Variants in IGSF9 observed in about 807,000 individuals in gnomAD.
IGSF9 encodes the protein protein turtle homolog A.
IGSF9 carries 87 observed loss-of-function variants against 121.7 expected under a neutral mutation model. That is an observed-to-expected ratio of 0.71 (90% CI 0.60 to 0.85). The LOEUF (loss-of-function observed/expected upper bound fraction) is 0.85, where lower values mean the gene tolerates loss of function less well. IGSF9 is among the 40% of genes least tolerant of loss of function. The probability of loss-of-function intolerance (pLI) is 0.00; values close to 1 mark genes in which losing one functional copy is unlikely to be tolerated. For missense variants in IGSF9, 1,462 were observed against 1,565.3 expected (o/e 0.93, Z 1.11); for synonymous variants, 640 against 648.4 (o/e 0.99, Z 0.20).
chr1:159,928,123 A>C, intron 19 of IGSF9, 35 bp downstream of exon 19: 2 of 1,592,714 alleles, frequency 1.3e-6, no homozygotes, highest in Middle Eastern at 1.7e-4. Context: ...GGTGGGACTG[A>C]GGCGGAGGCA....
In IGSF9 at chr1:159,928,714, T is replaced by C; in HGVS notation, c.2674A>G (p.Ser892Gly). 2.7e-6 allele frequency: 4 copies of C among 1,476,054 alleles called. No homozygotes were observed. Among genetic ancestry groups the C allele is most frequent in the Non-Finnish European group, 3.6e-6 (4 of 1,111,780 alleles). The allele number at this position is 1,476,054 out of a possible 1,614,324, so 91.4% of individuals were successfully genotyped here. A position where few individuals can be genotyped will look rare whatever the true frequency, so the allele number is the denominator to read the frequency against. Residue 892 changes from serine to glycine, a missense_variant, in exon 19 of 21, where the codon AGT becomes GGT. Coordinates refer to ENST00000368094, the MANE Select transcript of IGSF9 (RefSeq NM_001135050.2). The stretch of plus-strand genomic sequence containing the variant: ...ATGCAGAGGGGCTGGGGTGCCCCAC[T>C]GGGGCTGCTGCTGCTACAGTCAAAG... ...RSFDCSSSSP[S>G]GAPQPLCIED...
rs16842846 is a variant in IGSF9 at position 159,931,545 on chromosome 1, C to T, written c.1421G>A (p.Arg474Gln). 4.3e-6 allele frequency: 7 copies of T among 1,614,112 alleles called. No individual in the cohort carries two copies. Among genetic ancestry groups the T allele is most frequent in the East Asian group, 4.5e-5 (2 of 44,882 alleles). ...QVDSNSSLIL[R>Q]PLTKEAHGHW... ...CCCGTGGGCCTCCTTGGTCAATGGT[C>T]GCAGGATGAGGCTGCTGTTGCTGTC... Residue 474 changes from arginine (R) to glutamine (Q), a missense_variant, in exon 12 of 21, where the codon CGA becomes CAA. Around this residue, in one of 3 missense-constraint regions of IGSF9, gnomAD observed 96 missense variants for 150.7 expected, o/e 0.64. Coordinates refer to ENST00000368094, the MANE Select transcript of IGSF9 (RefSeq NM_001135050.2). The surrounding 1 kb of genome is among the most constrained non-coding windows in gnomAD (Gnocchi z 4.8).
At chr1:159,933,817 C>T in intron 9 of IGSF9, 1 of 294,528 alleles carries the variant, frequency 3.4e-6, no homozygotes, top group Non-Finnish European at 6.5e-6. Context: ...TGCCTCCTTG[C>T]CCCTGCCCTC....
At chr1:159,929,470 C>G (rs1650891525) in intron 17 of IGSF9, 77 bp from the exon 18 acceptor site, 3 of 1,563,204 alleles carry the variant, frequency 1.9e-6, no homozygotes, top group Admixed American at 1.7e-5. Flanking sequence ...CACCCAACAC[C>G]AGGCGCCCAA....
chr1:159,932,702 A>T lies in IGSF9; in HGVS notation c.1105-50T>A. ...TAGAGAGAGGAGCTCAGCAGAGACAAGCCCGGGATGGCAGTACAAGAGAGG... is the reference window on the plus strand; with the variant it reads ...TAGAGAGAGGAGCTCAGCAGAGACATGCCCGGGATGGCAGTACAAGAGAGG... On this transcript the variant is annotated intron_variant, in intron 9 of 20. Coordinates refer to ENST00000368094, the MANE Select transcript of IGSF9 (RefSeq NM_001135050.2). This position sits in a 1 kb window ranked among gnomAD's most constrained non-coding sequence, Gnocchi z 4.1. 1 of 1,560,736 alleles carries T rather than the reference A, an allele frequency of 6.4e-7. No individual in the cohort carries two copies. Among genetic ancestry groups the T allele is most frequent in the South Asian group, 1.2e-5 (1 of 84,086 alleles).
rs1366090302 is a variant in IGSF9 at position 159,943,554 on chromosome 1, C to T, written c.-100G>A. On this transcript the variant is annotated 5_prime_UTR_variant, in exon 2 of 21. Coordinates refer to ENST00000368094, the MANE Select transcript of IGSF9 (RefSeq NM_001135050.2). ...GATCAGCTCAGGGAACAGGTTTCAGCTCTCACTCTTCTGTACAGTGAGGGC... is the reference window on the plus strand; with the variant it reads ...GATCAGCTCAGGGAACAGGTTTCAGTTCTCACTCTTCTGTACAGTGAGGGC... The T allele has an allele frequency of 8.5e-7, 1 of 1,176,458 alleles. No homozygotes were observed. The highest frequency in any genetic ancestry group is 1.2e-6 in the Non-Finnish European group (1 of 860,106). The allele number at this position is 1,176,458 out of a possible 1,614,324, so 72.9% of individuals were successfully genotyped here.
Position 159,928,251 on chromosome 1 carries a change from C to T in IGSF9, c.3137G>A (p.Ser1046Asn), listed in dbSNP as rs766763622. 5.6e-6 allele frequency: 9 copies of T among 1,613,176 alleles called. No homozygotes were observed. The highest frequency in any genetic ancestry group is 2.2e-5 in the South Asian group (2 of 91,070). The change falls in exon 19 of 21, where the codon AGC becomes AAC. Residue 1046 changes from serine to asparagine, a missense_variant. Transcript: ENST00000368094. ...GTCTCCTGGAGCAGGGCTGAGGTAGCTGCCTCCTGCAGAGGGGGCTGTGGA... is the reference window on the plus strand; with the variant it reads ...GTCTCCTGGAGCAGGGCTGAGGTAGTTGCCTCCTGCAGAGGGGGCTGTGGA... ...PPSTAPSAGG[S>N]YLSPAPGDTS...
intron 9 of IGSF9, chr1:159,933,783 G>A: frequency 3.9e-6 from 1 of 259,442 alleles, no homozygotes; most frequent in Non-Finnish European, 7.5e-6. Flanking sequence ...CCTCTGCCCA[G>A]ATGGTGCCCA....
Position 159,929,634 on chromosome 1 carries a change from T to C in IGSF9, c.2326+4A>G. The C allele has an allele frequency of 6.3e-7, 1 of 1,593,150 alleles. No homozygotes were observed. The highest frequency in any genetic ancestry group is 8.5e-7 in the Non-Finnish European group (1 of 1,171,138). On this transcript the variant is annotated splice_donor_region_variant and intron_variant, in intron 17 of 20. Transcript: ENST00000368094. ...GTAGCAGGGCTGAGGGTGGAGGGAC[T>C]TACCTTGGCGGAGGCGCTTGCGGCG...
rs1017431593 is a variant in IGSF9, at chr1:159,932,876, G to A, written c.1105-224C>T. Reference sequence around the variant, plus strand: ...GGCTGTGACTGCACAACTCCAGGGGGTGCCACTCACAGAAAATACACTGTG... The same window carrying A: ...GGCTGTGACTGCACAACTCCAGGGGATGCCACTCACAGAAAATACACTGTG... On this transcript the variant is annotated intron_variant, in intron 9 of 20. Transcript: ENST00000368094. This position sits in a 1 kb window ranked among gnomAD's most constrained non-coding sequence, Gnocchi z 4.1. 6.1e-6 allele frequency: 3 copies of A among 490,778 alleles called. No homozygotes were observed. The highest frequency in any genetic ancestry group is 1.1e-5 in the Non-Finnish European group (3 of 280,932). 30.4% of individuals were successfully genotyped at this position (490,778 alleles called of 1,614,324 possible).
At position 159,927,271 on chromosome 1, in the gene IGSF9, G is replaced by A. The variant is rs991418671; in HGVS notation, c.*74C>T. The A allele has an allele frequency of 1.3e-6, 2 of 1,579,632 alleles. No individual in the cohort carries two copies. Among genetic ancestry groups the A allele is most frequent in the Non-Finnish European group, 1.7e-6 (2 of 1,151,974 alleles). ...GCAGGCAGGGGCAGTGCCCTCGTTTGAAACTAGGTCTGTCTGGTTGGGGGC... is the reference window on the plus strand; with the variant it reads ...GCAGGCAGGGGCAGTGCCCTCGTTTAAAACTAGGTCTGTCTGGTTGGGGGC... On this transcript the variant is annotated 3_prime_UTR_variant, in exon 21 of 21. Transcript: ENST00000368094.
In IGSF9 at chr1:159,936,503, G is replaced by A. The variant is rs573730997; in HGVS notation, c.569C>T (p.Thr190Met). The A allele has an allele frequency of 1.6e-5, 26 of 1,613,968 alleles. No homozygotes were observed. Among genetic ancestry groups the A allele is most frequent in the East Asian group, 2.2e-5 (1 of 44,890 alleles). ...GQGQVQVQNG[T>M]LRIRRVERGS... ...TCGCTCTACCCGGCGGATCCGCAGCGTCCCGTTCTGCACCTAGGGAAGGAG... is the reference window on the plus strand; with the variant it reads ...TCGCTCTACCCGGCGGATCCGCAGCATCCCGTTCTGCACCTAGGGAAGGAG... Residue 190 changes from threonine to methionine, a missense_variant, in exon 6 of 21, where the codon ACG becomes ATG. By Grantham distance (81) the Thr-to-Met change is moderately conservative (BLOSUM62 -1). Coordinates refer to ENST00000368094, the MANE Select transcript of IGSF9 (RefSeq NM_001135050.2).
Position 159,934,789 on chromosome 1 carries a change from C to A in IGSF9, c.707G>T (p.Ser236Ile). 6.2e-7 allele frequency: 1 copy of A among 1,614,154 alleles called. No homozygotes were observed. Among genetic ancestry groups the A allele is most frequent in the Non-Finnish European group, 8.5e-7 (1 of 1,180,016 alleles). The change falls in exon 7 of 21, where the codon AGC (serine) becomes ATC (isoleucine). Residue 236 changes from serine (S) to isoleucine (I), a missense_variant. By Grantham distance (142) the Ser-to-Ile change is moderately radical. Around this residue, in one of 3 missense-constraint regions of IGSF9, gnomAD observed 558 missense variants for 599.4 expected, o/e 0.93. Coordinates refer to ENST00000368094, the MANE Select transcript of IGSF9 (RefSeq NM_001135050.2). ...AACATCCTGGGAGGCATTGACTGTG[C>A]TGTTCTTGGGGGGCACCACGATGAC... ...PPVIVVPPKN[S>I]TVNASQDVSL...
rs1651035696 is a variant in IGSF9, at chr1:159,932,550, T to G, written c.1207A>C (p.Thr403Pro). The G allele has an allele frequency of 1.9e-6, 3 of 1,613,802 alleles. No individual in the cohort carries two copies. In the East Asian group the frequency reaches 6.7e-5, roughly 36 times the overall value. The change falls in exon 10 of 21, where the codon ACC becomes CCC. Residue 403 changes from threonine to proline, a missense_variant. Thr to Pro is a conservative substitution (Grantham distance 38, BLOSUM62 -1). This residue lies in a region of IGSF9 where 558 missense variants were observed against 599.4 expected (regional missense o/e 0.93). Coordinates refer to ENST00000368094, the MANE Select transcript of IGSF9 (RefSeq NM_001135050.2). The surrounding 1 kb of genome is among the most constrained non-coding windows in gnomAD (Gnocchi z 4.1). ...YSCTPYNSLG[T>P]AGPSPVTRVL... ...CGGGTCACAGGAGAGGGCCCGGCGG[T>G]ACCAAGACTGTTGTAGGGGGTGCAG...
intron 1 of IGSF9, among the ~76,000 whole-genome samples, chr1:159,944,070 C>A (rs751132426): frequency 1.3e-5 from 2 of 152,150 alleles, no homozygotes; most frequent in Non-Finnish European, 2.9e-5. Context: ...GGTATAGCAG[C>A]AAGATGGAAC....
intron 17 of IGSF9, 85 bp from the exon 18 acceptor site, chr1:159,929,478 C>A (rs560862358): frequency 1.5e-4 from 237 of 1,544,296 alleles, no homozygotes; most frequent in Non-Finnish European, 2.0e-4. Context: ...ACCAGGCGCC[C>A]AACCCCATCC....
rs1004308179 is a variant in IGSF9, at chr1:159,932,831, G to C, written c.1105-179C>G. The C allele has an allele frequency of 3.0e-5, 18 of 608,648 alleles. No individual in the cohort carries two copies. Among genetic ancestry groups the C allele is most frequent in the Non-Finnish European group, 4.5e-5 (16 of 356,832 alleles). 37.7% of individuals were successfully genotyped at this position (608,648 alleles called of 1,614,324 possible). A position where few individuals can be genotyped will look rare whatever the true frequency, so the allele number is the denominator to read the frequency against. On this transcript the variant is annotated intron_variant, in intron 9 of 20. Transcript: ENST00000368094. This position sits in a 1 kb window ranked among gnomAD's most constrained non-coding sequence, Gnocchi z 4.1. ...GTGCTTCCTTTCCTTCCTGCAGAGG[G>C]ACCCCTCCCAATAGTGTGAGGCTGT...
Position 159,931,047 on chromosome 1 carries a change from C to T in IGSF9, c.1637+91G>A. 1 of 1,572,554 alleles carries T rather than the reference C, an allele frequency of 6.4e-7. No homozygotes were observed. Among genetic ancestry groups the T allele is most frequent in the Non-Finnish European group, 8.7e-7 (1 of 1,150,866 alleles). ...CCAGGACTGGTGAGGGATAGAGGGA[C>T]AGAAGAAAGGGCAGAAGGCCAGATA... is the stretch of plus-strand genomic sequence containing the variant. On this transcript the variant is annotated intron_variant, in intron 13 of 20. Transcript: ENST00000368094. This position sits in a 1 kb window ranked among gnomAD's most constrained non-coding sequence, Gnocchi z 4.8.
intron 1 of IGSF9, among the ~76,000 whole-genome samples, chr1:159,944,206 C>G (rs143699370): frequency 1.3e-5 from 2 of 152,080 alleles, no homozygotes; most frequent in Non-Finnish European, 2.9e-5. Flanking sequence ...CAGGACACCC[C>G]GATACAATCC....
Sources: gnomAD v4.1 joint callset for allele counts (sites outside exome capture counted in the v4.1 genomes callset) on GRCh38, gnomAD v4.1.1 for gene constraint, gnomAD v4.1.1 regional missense constraint, Gnocchi (gnomAD v3.1) non-coding constraint, MANE v1.5 for transcripts, NCBI Gene and HGNC (gene_info 2026-07-23, HGNC 2026-07-21) for gene names.